The following CTNNA3 variants were observed in gnomAD, a reference collection of about 807,000 sequenced individuals.
CTNNA3 encodes catenin alpha 3, also known as catenin alpha-3.
Under a neutral mutation model 95.7 loss-of-function variants are expected in CTNNA3, and 76 were observed. The ratio of observed to expected loss-of-function variants is 0.79; its 90% CI spans 0.66 to 0.96. CTNNA3 has a LOEUF of 0.96. Among genes scored for constraint, CTNNA3 ranks in the 40% least tolerant of loss-of-function variants. The pLI is 0.00. For synonymous variants in CTNNA3, 431 were observed against 374.4 expected (o/e 1.15, Z -1.74); for missense variants, 1,191 against 1,089.8 (o/e 1.09, Z -1.31).
At chr10:66,193,624 G>A (rs2086794233) in intron 13 of CTNNA3, among the ~76,000 whole-genome samples, 1 of 152,132 alleles carries the variant, frequency 6.6e-6, no homozygotes, top group Non-Finnish European at 1.5e-5. Context: ...AGACAATATA[G>A]CACAGTATAG....
chr10:67,464,294 A>G (rs1037380020), intron 5 of CTNNA3, among the ~76,000 whole-genome samples: 1 of 152,088 alleles, frequency 6.6e-6, no homozygotes, highest in Non-Finnish European at 1.5e-5. Context: ...TTCTTCACCA[A>G]TTCAAATTTT....
rs1253189917 is a variant in CTNNA3 at position 65,917,283 on chromosome 10, TTTGAG to T, written c.*3042_*3046del. On this transcript the variant is annotated 3_prime_UTR_variant, in exon 18 of 18. Transcript: ENST00000433211. The stretch of plus-strand genomic sequence containing the variant: ...AACAAATTAGCTTAGAAATTTAGTG[TTTGAG>T]TTTTTTCTTGACTCATTCAAGAACT... 2.6e-5 allele frequency: 4 copies of T among 152,156 alleles called. No individual in the cohort carries two copies. Among genetic ancestry groups the T allele is most frequent in the Non-Finnish European group, 4.4e-5 (3 of 68,018 alleles). 9.4% of individuals were successfully genotyped at this position (152,156 alleles called of 1,614,324 possible).
At chr10:66,351,424 C>G (rs549177712) in intron 12 of CTNNA3, among the ~76,000 whole-genome samples, 1 of 152,002 alleles carries the variant, frequency 6.6e-6, no homozygotes, top group East Asian at 1.9e-4. Flanking sequence ...CAATCTGATT[C>G]CTGAGTACCA....
At chr10:67,157,406 A>G (rs7903491) in intron 7 of CTNNA3, among the ~76,000 whole-genome samples, 95,538 of 151,998 alleles carry the variant, frequency 0.63, 31,077 homozygotes, top group African/African-American at 0.8. Context: ...GTTTAGTTCC[A>G]AAAGGGAGAA....
At chr10:67,434,837 G>A (rs909334423) in intron 5 of CTNNA3, among the ~76,000 whole-genome samples, 8 of 151,954 alleles carry the variant, frequency 5.3e-5, no homozygotes, top group Non-Finnish European at 1.2e-4. Flanking sequence ...ACATAGGAGA[G>A]CCTTGTTGCT....
chr10:66,201,278 C>T (rs190086919), intron 13 of CTNNA3, among the ~76,000 whole-genome samples: 2 of 152,260 alleles, frequency 1.3e-5, no homozygotes, highest in East Asian at 3.9e-4. Flanking sequence ...TTTTCCCTCT[C>T]TTATCACCAT....
At position 66,820,986 on chromosome 10, in the gene CTNNA3, T is replaced by C. The variant is rs149064617; in HGVS notation, c.1048-45462A>G. Among the ~76,000 whole-genome samples, 508 of 152,234 alleles carry C rather than the reference T, an allele frequency of 3.3e-3. 1 individual carries two copies. Among genetic ancestry groups the C allele is most frequent in the African/African-American group, 8.4e-3 (349 of 41,566 alleles). On this transcript the variant is annotated intron_variant, in intron 7 of 17. Transcript: ENST00000433211. The stretch of plus-strand genomic sequence containing the variant: ...CCTCAGTTCCATCATCATTAACTTA[T>C]TAGTCAGTCTCCATCCACTACAACA...
At chr10:66,403,630 G>C (rs978616007) in intron 11 of CTNNA3, among the ~76,000 whole-genome samples, 3 of 152,116 alleles carry the variant, frequency 2.0e-5, no homozygotes, top group Non-Finnish European at 4.4e-5. Flanking sequence ...AATTTGGGGG[G>C]AGACGAGCCA....
At chr10:66,652,097 T>TAAAAAAAAAAAAAAAAA (rs59359956) in intron 9 of CTNNA3, among the ~76,000 whole-genome samples, 1 of 122,390 alleles carries the variant, frequency 8.2e-6, no homozygotes, top group African/African-American at 2.9e-5. Context: ...CTCAAGGAAC[T>TAAAAAAAAAAAAAAAAA]AAAAAAAAAA....
intron 15 of CTNNA3, among the ~76,000 whole-genome samples, chr10:66,065,043 T>A (rs531717294): frequency 6.6e-6 from 1 of 152,200 alleles, no homozygotes; most frequent in East Asian, 1.9e-4. Flanking sequence ...AAAAAATGAA[T>A]TATTTAAACC....
intron 5 of CTNNA3, among the ~76,000 whole-genome samples, chr10:67,327,529 G>A (rs1241054937): frequency 6.6e-6 from 1 of 152,178 alleles, no homozygotes; most frequent in African/African-American, 2.4e-5. Context: ...ACTGCATGCT[G>A]TAACTCTGGG....
intron 12 of CTNNA3, among the ~76,000 whole-genome samples, chr10:66,290,402 A>G (rs1172062916): frequency 1.3e-5 from 2 of 152,110 alleles, no homozygotes; most frequent in East Asian, 3.8e-4. Flanking sequence ...GGTTCATATT[A>G]CCTACTAAAA....
intron 5 of CTNNA3, among the ~76,000 whole-genome samples, chr10:67,487,207 T>C (rs1848479786): frequency 6.6e-6 from 1 of 152,192 alleles, no homozygotes; most frequent in Admixed American, 6.5e-5. Flanking sequence ...TTTCTGTGCA[T>C]AGTTCAGTTA....
chr10:67,032,912 A>T (rs1227581711), intron 7 of CTNNA3, among the ~76,000 whole-genome samples: 1 of 152,170 alleles, frequency 6.6e-6, no homozygotes, highest in African/African-American at 2.4e-5. Context: ...GACATTTTCT[A>T]TTTAATTTTC....
chr10:66,734,309 A>T (rs951740893), intron 9 of CTNNA3, among the ~76,000 whole-genome samples: 1 of 151,932 alleles, frequency 6.6e-6, no homozygotes, highest in African/African-American at 2.4e-5. Context: ...TCCAGTAATT[A>T]TCTTCCTTAT....
intron 5 of CTNNA3, among the ~76,000 whole-genome samples, chr10:67,437,886 T>G (rs1846358276): frequency 6.6e-6 from 1 of 151,690 alleles, no homozygotes; most frequent in South Asian, 2.1e-4. Context: ...AAATACTGAA[T>G]TTGAAAGGGC....
intron 12 of CTNNA3, among the ~76,000 whole-genome samples, chr10:66,377,817 T>A (rs964564182): frequency 6.6e-6 from 1 of 152,134 alleles, no homozygotes; most frequent in African/African-American, 2.4e-5. Context: ...AGCACAATCA[T>A]CTTTTTAAAC....
In CTNNA3 at chr10:67,621,567, G is replaced by A. The variant is rs949194311; in HGVS notation, c.100-14518C>T. ...GTTCAAAACCTGCCTGATCAACATGGTGAAACCCTGTCTCTACTAAAAATA... is the reference window on the plus strand; with the variant it reads ...GTTCAAAACCTGCCTGATCAACATGATGAAACCCTGTCTCTACTAAAAATA... On this transcript the variant is annotated intron_variant, in intron 2 of 17. Coordinates refer to ENST00000433211, the MANE Select transcript of CTNNA3 (RefSeq NM_013266.4). Among the ~76,000 whole-genome samples the A allele has an allele frequency of 2.0e-5, 3 of 151,984 alleles. No individual in the cohort carries two copies. The South Asian group carries it at 6.2e-4, about 31-fold the overall frequency.
At chr10:66,921,583 T>C (rs754650489) in intron 7 of CTNNA3, among the ~76,000 whole-genome samples, 5 of 152,148 alleles carry the variant, frequency 3.3e-5, no homozygotes, top group Non-Finnish European at 5.9e-5. Context: ...TGCTTCCACA[T>C]TAGGCCTTTG....
Sources: allele counts gnomAD v4.1 joint callset (sites outside exome capture counted in the v4.1 genomes callset), GRCh38; gene constraint gnomAD v4.1.1; transcripts MANE v1.5; gene names NCBI Gene and HGNC (gene_info 2026-07-23, HGNC 2026-07-21).